The following TRPC4 variants were observed in gnomAD, a reference collection of about 807,000 sequenced individuals.
TRPC4 encodes the protein short transient receptor potential channel 4.
Under a neutral mutation model 99.4 loss-of-function variants are expected in TRPC4, and 49 were observed. That is an observed-to-expected ratio of 0.49 (90% confidence interval 0.39 to 0.63). TRPC4 has a LOEUF of 0.63. TRPC4 is among the 20% of genes least tolerant of loss of function. TRPC4 has a pLI of 0.00. For missense variants in TRPC4, 898 were observed against 1,152.9 expected, an observed-to-expected ratio of 0.78 and a Z score of 3.20; for synonymous variants, 454 against 425.9, an observed-to-expected ratio of 1.07 and a Z score of -0.81.
At chr13:37,807,120 T>C (rs1957547233) in intron 1 of TRPC4, among the ~76,000 whole-genome samples, 1 of 152,094 alleles carries the variant, frequency 6.6e-6, no homozygotes, top group African/African-American at 2.4e-5. Flanking sequence ...CTGCCCTCTC[T>C]CTATATTTGA....
chr13:37,794,910 A>C (rs1037456950), intron 1 of TRPC4, among the ~76,000 whole-genome samples: 2 of 152,180 alleles, frequency 1.3e-5, no homozygotes, highest in African/African-American at 4.8e-5. Context: ...TAAGAGACAT[A>C]GTTTCAAATG....
intron 1 of TRPC4, among the ~76,000 whole-genome samples, chr13:37,828,282 C>T (rs908928256): frequency 1.4e-4 from 21 of 152,176 alleles, no homozygotes; most frequent in Admixed American, 9.2e-4. Context: ...CCTATTCGGC[C>T]ATCTTGGCTC....
intron 2 of TRPC4, 35 bp downstream of exon 2, chr13:37,782,921 G>A: frequency 4.3e-6 from 6 of 1,406,112 alleles, no homozygotes; most frequent in East Asian, 5.0e-5. Flanking sequence ...CCTTCTGCAG[G>A]TAAAATAAAT....
intron 3 of TRPC4, among the ~76,000 whole-genome samples, chr13:37,739,412 G>T (rs77549133): frequency 0.015 from 2,227 of 152,040 alleles, 65 homozygotes; most frequent in African/African-American, 0.051. Context: ...AAGGACTATG[G>T]TGTTTTCTCT....
At chr13:37,690,111 A>G (rs1953632919) in intron 4 of TRPC4, among the ~76,000 whole-genome samples, 1 of 152,240 alleles carries the variant, frequency 6.6e-6, no homozygotes, top group African/African-American at 2.4e-5. Flanking sequence ...AAAATGTAAC[A>G]TCCTAAACTC....
chr13:37,664,156 C>A (rs999041856), intron 5 of TRPC4, among the ~76,000 whole-genome samples: 3 of 152,104 alleles, frequency 2.0e-5, no homozygotes, highest in Non-Finnish European at 4.4e-5. Flanking sequence ...CTTTGACCAG[C>A]AATTATTTAA....
At chr13:37,812,184 A>AAAAAAAAAAAAACAAAC (rs1566188857) in intron 1 of TRPC4, among the ~76,000 whole-genome samples, 3 of 148,008 alleles carry the variant, frequency 2.0e-5, no homozygotes, top group African/African-American at 7.5e-5. Flanking sequence ...ATCAAAAAAA[A>AAAAAAAAAAAAACAAAC]AAAAAAAAAA....
chr13:37,734,070 A>T (rs1251130147), intron 3 of TRPC4, among the ~76,000 whole-genome samples: 1 of 152,108 alleles, frequency 6.6e-6, no homozygotes, highest in Non-Finnish European at 1.5e-5. Flanking sequence ...ATGAGGACAG[A>T]AAGGTCACTG....
chr13:37,637,157 G>T lies in TRPC4; in HGVS notation c.2680C>A (p.Arg894=), dbSNP rs958351197. ...IQLESRGLAS[R]GDLSIPGLSE... is the part of the protein sequence containing the mutation. ...AGACCGGGAATGCTCAGGTCACCCC[G>T]TGAAGCTAATCCTCGAGATTCCAGT... is the stretch of plus-strand genomic sequence containing the variant. The change falls in exon 11 of 11, where the codon CGG becomes AGG. Residue 894 remains arginine (R), a synonymous_variant. Coordinates refer to ENST00000379705, the MANE Select transcript of TRPC4 (RefSeq NM_016179.4). 3.1e-6 allele frequency: 5 copies of T among 1,613,764 alleles called. No individual in the cohort carries two copies. The highest frequency in any genetic ancestry group is 4.2e-6 in the Non-Finnish European group (5 of 1,179,834).
chr13:37,864,729 A>C (rs1382931376), intron 1 of TRPC4, among the ~76,000 whole-genome samples: 3 of 151,618 alleles, frequency 2.0e-5, no homozygotes, highest in Non-Finnish European at 3.0e-5. Flanking sequence ...GCTTGTATTT[A>C]TACTTGGGAC....
intron 4 of TRPC4, among the ~76,000 whole-genome samples, chr13:37,681,372 C>T (rs750319698): frequency 2.6e-5 from 4 of 152,092 alleles, no homozygotes; most frequent in Non-Finnish European, 5.9e-5. Context: ...ACTGGAAACT[C>T]ATGTCATCAT....
intron 1 of TRPC4, among the ~76,000 whole-genome samples, chr13:37,805,076 C>A (rs1957497416): frequency 6.6e-6 from 1 of 151,898 alleles, no homozygotes; most frequent in South Asian, 2.1e-4. Flanking sequence ...TGGAAGGTAA[C>A]ACATTGACCT....
chr13:37,760,795 T>C (rs963953), intron 2 of TRPC4, among the ~76,000 whole-genome samples: 144,039 of 151,976 alleles, frequency 0.95, 68,645 homozygotes, highest in East Asian at 1. Context: ...TCCAATGTGG[T>C]CAAAGGAAGC....
chr13:37,655,206 T>A lies in TRPC4; in HGVS notation c.1766A>T (p.Gln589Leu). Residue 589 changes from glutamine to leucine, a missense_variant, in exon 7 of 11, where the codon CAG (glutamine) becomes CTG (leucine). Around this residue, in one of 3 missense-constraint regions of TRPC4, gnomAD observed 274 missense variants for 454.9 expected, o/e 0.60. Coordinates refer to ENST00000379705, the MANE Select transcript of TRPC4 (RefSeq NM_016179.4). ...ACCAACAAACTCAGTAAATTCATGC[T>A]GTGCTTTGACATTGGTCACATATAA... ...INLYVTNVKA[Q>L]HEFTEFVGAT... 1 of 1,609,992 alleles carries A rather than the reference T, an allele frequency of 6.2e-7. No individual in the cohort carries two copies. Among genetic ancestry groups the A allele is most frequent in the Non-Finnish European group, 8.5e-7 (1 of 1,177,742 alleles).
chr13:37,830,111 A>G (rs1028060290), intron 1 of TRPC4, among the ~76,000 whole-genome samples: 2 of 152,086 alleles, frequency 1.3e-5, no homozygotes, highest in African/African-American at 4.8e-5. Context: ...AAACTATTAA[A>G]TTGTGTATTT....
intron 2 of TRPC4, among the ~76,000 whole-genome samples, chr13:37,778,172 C>T (rs546797068): frequency 6.6e-6 from 1 of 152,148 alleles, no homozygotes; most frequent in South Asian, 2.1e-4. Flanking sequence ...CAAATCGATG[C>T]AGTGGCTAAA....
chr13:37,856,389 G>GAA (rs1959174471), intron 1 of TRPC4, among the ~76,000 whole-genome samples: 2 of 118,624 alleles, frequency 1.7e-5, no homozygotes, highest in Non-Finnish European at 3.5e-5. Flanking sequence ...AAGTCTCCTA[G>GAA]TAAAAAAAAA....
At chr13:37,785,261 A>T (rs747144874) in intron 1 of TRPC4, among the ~76,000 whole-genome samples, 28 of 151,964 alleles carry the variant, frequency 1.8e-4, no homozygotes, top group Non-Finnish European at 2.6e-4. Context: ...TTGGCCTTGG[A>T]AAGGTGGTTG....
At chr13:37,739,140 A>G (rs1955501593) in intron 3 of TRPC4, among the ~76,000 whole-genome samples, 1 of 152,206 alleles carries the variant, frequency 6.6e-6, no homozygotes, top group Non-Finnish European at 1.5e-5. Context: ...TGTTTCTACC[A>G]TACAAAAGAG....
Sources: gnomAD v4.1 joint callset for allele counts (sites outside exome capture counted in the v4.1 genomes callset) on GRCh38, gnomAD v4.1.1 for gene constraint, gnomAD v4.1.1 regional missense constraint, MANE v1.5 for transcripts, NCBI Gene and HGNC (gene_info 2026-07-23, HGNC 2026-07-21) for gene names.